RFX7: variants seen among roughly 807,000 people sequenced by gnomAD.
RFX7 encodes the protein regulatory factor X7.
RFX7 carries 26 observed loss-of-function variants against 111.8 expected under a neutral mutation model. The ratio of observed to expected loss-of-function variants is 0.23; its 90% CI spans 0.17 to 0.32. The LOEUF is 0.32. Ranked by LOEUF, RFX7 falls within the 10% of genes least tolerant of loss-of-function variation. The probability of loss-of-function intolerance (pLI) is 1.00; values close to 1 mark genes in which losing one functional copy is unlikely to be tolerated. For missense variants in RFX7, 1,573 were observed against 1,772.9 expected (o/e 0.89, Z 2.02); for synonymous variants, 624 against 624.4 (o/e 1.00, Z 0.01).
At chr15:56,181,558 TTGAA>T (rs1371361603) in intron 2 of RFX7, among the ~76,000 whole-genome samples, 1 of 152,146 alleles carries the variant, frequency 6.6e-6, no homozygotes, top group Non-Finnish European at 1.5e-5. Context: ...ATAAAATCTG[TTGAA>T]TGAATAAATG....
chr15:56,138,886 G>A (rs1252547849), intron 5 of RFX7, among the ~76,000 whole-genome samples: 168 of 152,218 alleles, frequency 1.1e-3, no homozygotes, highest in African/African-American at 4.0e-3. Context: ...GCTTGGTTTG[G>A]CTGGATATGA....
At chr15:56,172,413 T>G (rs1335359360) in intron 3 of RFX7, among the ~76,000 whole-genome samples, 1 of 152,080 alleles carries the variant, frequency 6.6e-6, no homozygotes, top group African/African-American at 2.4e-5. Flanking sequence ...ATTTAACTAT[T>G]CATGAGAATA....
chr15:56,209,916 T>C (rs1310322797), intron 2 of RFX7, among the ~76,000 whole-genome samples: 1 of 151,544 alleles, frequency 6.6e-6, no homozygotes, highest in Non-Finnish European at 1.5e-5. Flanking sequence ...AAGACAAAAA[T>C]AAAAACAAAG....
chr15:56,097,444 A>T (rs1480311642), intron 9 of RFX7, among the ~76,000 whole-genome samples: 1 of 152,084 alleles, frequency 6.6e-6, no homozygotes, highest in Non-Finnish European at 1.5e-5. Context: ...TTTAAATTTT[A>T]AAAAAAGACT....
intron 2 of RFX7, among the ~76,000 whole-genome samples, chr15:56,188,020 A>G (rs1306338689): frequency 6.6e-6 from 1 of 152,248 alleles, no homozygotes; most frequent in Non-Finnish European, 1.5e-5. Flanking sequence ...ATTAGCAGAC[A>G]AGGACTTCAA....
intron 3 of RFX7, among the ~76,000 whole-genome samples, chr15:56,178,048 A>T (rs2042921393): frequency 6.6e-6 from 1 of 151,986 alleles, no homozygotes. Context: ...TAATTTTAAT[A>T]ATTTTTTGAA....
rs755441244 is a variant in RFX7, at chr15:56,087,578, A to T, written c.*5767T>A. The T allele has an allele frequency of 5.6e-4, 255 of 456,452 alleles. 1 individual carries two copies. The highest frequency in any genetic ancestry group is 9.0e-4 in the Non-Finnish European group (203 of 226,760). The allele number at this position is 456,452 out of a possible 1,614,324, so 28.3% of individuals were successfully genotyped here. ...AGTACTTGGTAAGTGTCTCCACTTA[A>T]CTGCAAGGGAAGTTGGCAGATGCAG... On this transcript the variant is annotated 3_prime_UTR_variant, in exon 10 of 10. Transcript: ENST00000559447.
At position 56,101,517 on chromosome 15, in the gene RFX7, A is replaced by G. The variant is rs1301532896; in HGVS notation, c.653T>C (p.Val218Ala). The part of the protein sequence containing the change: ...SGQLQNIDEE[V>A]ISSACRLVCE... ...CACAAGACGGCAAGCAGAAGAGATA[A>G]CTTCTTCATCAATATTTTGAAGCTG... is the stretch of plus-strand genomic sequence containing the variant. Residue 218 changes from valine to alanine, a missense_variant, in exon 8 of 10, where the codon GTT becomes GCT. Val to Ala is a moderately conservative substitution (Grantham distance 64). Coordinates refer to ENST00000559447, the MANE Select transcript of RFX7 (RefSeq NM_022841.7). 6.2e-7 allele frequency: 1 copy of G among 1,613,780 alleles called. No homozygotes were observed. Among genetic ancestry groups the G allele is most frequent in the East Asian group, 2.2e-5 (1 of 44,872 alleles).
At chr15:56,243,041 C>CA in intron 2 of RFX7, 84 bp downstream of exon 2, 2 of 596,592 alleles carry the variant, frequency 3.4e-6, no homozygotes, top group Non-Finnish European at 5.8e-6. Flanking sequence ...TCCTCCTCCG[C>CA]TCCCCCCGCC....
At chr15:56,121,932 G>C (rs1307778254) in intron 5 of RFX7, among the ~76,000 whole-genome samples, 1 of 152,078 alleles carries the variant, frequency 6.6e-6, no homozygotes, top group Non-Finnish European at 1.5e-5. Context: ...GTGTTTTCTT[G>C]AATTTATTTG....
In RFX7 at chr15:56,095,734, T is replaced by C; in HGVS notation, c.1994A>G (p.Gln665Arg). 6.2e-7 allele frequency: 1 copy of C among 1,613,984 alleles called. No homozygotes were observed. Among genetic ancestry groups the C allele is most frequent in the Non-Finnish European group, 8.5e-7 (1 of 1,179,854 alleles). Residue 665 changes from glutamine (Q) to arginine (R), a missense_variant, in exon 10 of 10, where the codon CAG (glutamine) becomes CGG (arginine). Coordinates refer to ENST00000559447, the MANE Select transcript of RFX7 (RefSeq NM_022841.7). ...SPRKRLSSTL[Q>R]ETQVPPVKKP... Reference sequence around the variant, plus strand: ...CTTTACAGGAGGCACCTGGGTCTCCTGCAATGTAGAAGACAGTCGTTTTCT... The same window carrying C: ...CTTTACAGGAGGCACCTGGGTCTCCCGCAATGTAGAAGACAGTCGTTTTCT...
chr15:56,109,378 C>A (rs540742094), intron 5 of RFX7, among the ~76,000 whole-genome samples: 2 of 152,194 alleles, frequency 1.3e-5, no homozygotes, highest in Admixed American at 6.5e-5. Context: ...AGTGCAGTGG[C>A]GTGATCTCGG....
intron 2 of RFX7, among the ~76,000 whole-genome samples, chr15:56,233,575 A>C (rs141397055): frequency 6.6e-6 from 1 of 152,222 alleles, no homozygotes; most frequent in South Asian, 2.1e-4. Flanking sequence ...AAAATAAAAG[A>C]TGAAACCAAT....
chr15:56,236,301 C>A (rs761716917), intron 2 of RFX7, among the ~76,000 whole-genome samples: 1 of 152,156 alleles, frequency 6.6e-6, no homozygotes, highest in African/African-American at 2.4e-5. Context: ...TGCCAAATAT[C>A]TTAATCTCAT....
At position 56,096,487 on chromosome 15, in the gene RFX7, T is replaced by A; in HGVS notation, c.1241A>T (p.Asn414Ile). The change falls in exon 10 of 10, where the codon AAC (asparagine) becomes ATC (isoleucine). Residue 414 changes from asparagine (N) to isoleucine (I), a missense_variant. Coordinates refer to ENST00000559447, the MANE Select transcript of RFX7 (RefSeq NM_022841.7). ...ATCCCCACCAGGACTGGCTGGAACGTTCTGGGGAGTCTTTGGTGCCTGTTT... is the reference window on the plus strand; with the variant it reads ...ATCCCCACCAGGACTGGCTGGAACGATCTGGGGAGTCTTTGGTGCCTGTTT... Reference protein sequence around the residue: ...SVKQAPKTPQNVPASPGGDRS... With the variant: ...SVKQAPKTPQIVPASPGGDRS... The A allele has an allele frequency of 6.2e-7, 1 of 1,607,872 alleles. No homozygotes were observed. The highest frequency in any genetic ancestry group is 8.5e-7 in the Non-Finnish European group (1 of 1,177,016).
At chr15:56,243,044 C>T in intron 2 of RFX7, 81 bp downstream of exon 2, 1 of 570,074 alleles carries the variant, frequency 1.8e-6, no homozygotes, top group Non-Finnish European at 3.1e-6. Flanking sequence ...TCCTCCGCTC[C>T]CCCCGCCCGC....
chr15:56,111,493 C>T (rs1409909277), intron 5 of RFX7, among the ~76,000 whole-genome samples: 1 of 151,156 alleles, frequency 6.6e-6, no homozygotes, highest in Non-Finnish European at 1.5e-5. Context: ...CTCAAGTACC[C>T]AGGGACACAA....
At chr15:56,239,393 C>T (rs929781623) in intron 2 of RFX7, among the ~76,000 whole-genome samples, 9 of 151,818 alleles carry the variant, frequency 5.9e-5, no homozygotes, top group Admixed American at 5.2e-4. Flanking sequence ...CTCAGCCTCC[C>T]GAGTAGCCAG....
At chr15:56,104,485 C>T (rs528364442) in intron 5 of RFX7, among the ~76,000 whole-genome samples, 6 of 152,272 alleles carry the variant, frequency 3.9e-5, no homozygotes, top group Admixed American at 6.5e-5. Flanking sequence ...CCCTTGTCTC[C>T]GCCTCACCTC....
Sources: gnomAD v4.1 joint callset for allele counts (sites outside exome capture counted in the v4.1 genomes callset) on GRCh38, gnomAD v4.1.1 for gene constraint, MANE v1.5 for transcripts, NCBI Gene and HGNC (gene_info 2026-07-23, HGNC 2026-07-21) for gene names.